The following GALNT13 variants were observed in gnomAD, a reference collection of about 807,000 sequenced individuals.
GALNT13 encodes UDP-GalNAc:polypeptide N-acetylgalactosaminyltransferase 13.
GALNT13 carries 28 observed loss-of-function variants against 64.2 expected under a neutral mutation model. The observed-to-expected ratio is 0.44, with a 90% CI of 0.32 to 0.60. The LOEUF is 0.60. GALNT13 is among the 20% of genes least tolerant of loss of function. The pLI is 0.05. For synonymous variants in GALNT13, 214 were observed against 224.6 expected (o/e 0.95, Z 0.42); for missense variants, 577 against 669.8 (o/e 0.86, Z 1.53).
At chr2:153,285,805 T>C in the GALNT13 span, among the ~76,000 whole-genome samples, 2 of 151,980 alleles carry the variant, frequency 1.3e-5, no homozygotes, top group African/African-American at 4.8e-5. Context: ...AGAAGAAAAA[T>C]AGGTATGAAT....
intron 9 of GALNT13, among the ~76,000 whole-genome samples, chr2:154,356,196 T>C (rs1479479828): frequency 6.6e-6 from 1 of 152,044 alleles, no homozygotes; most frequent in African/African-American, 2.4e-5. Context: ...CTTTTTCCTA[T>C]TAATCAAGTT....
chr2:153,403,342 A>G, the GALNT13 span, among the ~76,000 whole-genome samples: 1 of 152,008 alleles, frequency 6.6e-6, no homozygotes, highest in Non-Finnish European at 1.5e-5. Context: ...GCTGTCAGAC[A>G]GGGACATTTA....
At chr2:153,801,337 T>C in the GALNT13 span, among the ~76,000 whole-genome samples, 1 of 152,156 alleles carries the variant, frequency 6.6e-6, no homozygotes, top group Non-Finnish European at 1.5e-5. Flanking sequence ...ATGCCTTTTT[T>C]TTTTTCTATG....
intron 4 of GALNT13, among the ~76,000 whole-genome samples, chr2:154,157,134 C>T (rs1684468815): frequency 6.6e-6 from 1 of 152,054 alleles, no homozygotes; most frequent in African/African-American, 2.4e-5. Flanking sequence ...TTCCTCTCAA[C>T]CCTCATTCTC....
chr2:153,800,570 A>G, the GALNT13 span, among the ~76,000 whole-genome samples: 1 of 152,298 alleles, frequency 6.6e-6, no homozygotes, highest in East Asian at 1.9e-4. Context: ...CTTGGTATCA[A>G]TCTTCTCAAA....
intron 4 of GALNT13, among the ~76,000 whole-genome samples, chr2:154,218,451 G>C (rs1400294241): frequency 6.6e-6 from 1 of 151,998 alleles, no homozygotes; most frequent in Non-Finnish European, 1.5e-5. Flanking sequence ...TCCAGATGTT[G>C]TACTATTCCT....
the GALNT13 span, among the ~76,000 whole-genome samples, chr2:153,305,944 G>A: frequency 5.3e-5 from 8 of 152,242 alleles, no homozygotes; most frequent in East Asian, 3.9e-4. Context: ...AGGTTTTGCC[G>A]TGTTCTCCCA....
chr2:153,671,588 T>G, the GALNT13 span, among the ~76,000 whole-genome samples: 1 of 152,164 alleles, frequency 6.6e-6, no homozygotes, highest in Non-Finnish European at 1.5e-5. Context: ...TACTAGCCAC[T>G]GCAAAAACAT....
the GALNT13 span, among the ~76,000 whole-genome samples, chr2:153,746,884 A>C: frequency 3.9e-5 from 6 of 152,178 alleles, no homozygotes; most frequent in Admixed American, 1.3e-4. Context: ...ATTTGGATAT[A>C]ATTTCTGTAA....
At chr2:153,984,504 A>C (rs1205772882) in intron 3 of GALNT13, among the ~76,000 whole-genome samples, 1 of 151,656 alleles carries the variant, frequency 6.6e-6, no homozygotes, top group Non-Finnish European at 1.5e-5. Context: ...GAATTATATA[A>C]ATTATTTTTT....
At chr2:153,932,005 G>C (rs1690562390) in intron 2 of GALNT13, among the ~76,000 whole-genome samples, 1 of 151,994 alleles carries the variant, frequency 6.6e-6, no homozygotes, top group South Asian at 2.1e-4. Context: ...TATTTGGTTG[G>C]TGGGTTTTTT....
the GALNT13 span, among the ~76,000 whole-genome samples, chr2:153,702,421 G>T: frequency 6.6e-6 from 1 of 152,024 alleles, no homozygotes; most frequent in Non-Finnish European, 1.5e-5. Context: ...ACGTGTACCT[G>T]TGTAACAAAC....
the GALNT13 span, among the ~76,000 whole-genome samples, chr2:153,842,211 G>A: frequency 6.6e-6 from 1 of 152,122 alleles, no homozygotes; most frequent in Admixed American, 6.5e-5. Context: ...TGAAAAGGAA[G>A]TAAACTGAAA....
At chr2:153,910,629 G>A (rs142809816) in intron 2 of GALNT13, among the ~76,000 whole-genome samples, 110 of 152,162 alleles carry the variant, frequency 7.2e-4, no homozygotes, top group African/African-American at 1.1e-3. Flanking sequence ...ATCCTAGTAC[G>A]TTGTAGCTTT....
the GALNT13 span, among the ~76,000 whole-genome samples, chr2:153,439,415 A>T: frequency 6.6e-6 from 1 of 152,146 alleles, no homozygotes; most frequent in African/African-American, 2.4e-5. Flanking sequence ...CTGCCCCCAG[A>T]GGTGGAGTCT....
intron 4 of GALNT13, among the ~76,000 whole-genome samples, chr2:154,151,428 T>C (rs1342752824): frequency 6.6e-6 from 1 of 152,208 alleles, no homozygotes; most frequent in Non-Finnish European, 1.5e-5. Context: ...TGGAGAGTTC[T>C]GTAGATGTCT....
At chr2:153,765,758 C>A in the GALNT13 span, among the ~76,000 whole-genome samples, 1 of 152,032 alleles carries the variant, frequency 6.6e-6, no homozygotes, top group African/African-American at 2.4e-5. Context: ...GTGTAATAAT[C>A]CCCTCATGTC....
chr2:153,078,106 T>C, the GALNT13 span, among the ~76,000 whole-genome samples: 1 of 152,146 alleles, frequency 6.6e-6, no homozygotes, highest in Admixed American at 6.5e-5. Context: ...CCTTCTGCTT[T>C]TGTAAATGGA....
intron 3 of GALNT13, among the ~76,000 whole-genome samples, chr2:154,060,114 T>C (rs1700096901): frequency 6.6e-6 from 1 of 152,140 alleles, no homozygotes; most frequent in African/African-American, 2.4e-5. Context: ...CCTCCACCTA[T>C]ATGAGTGAAC....
Sources: gnomAD v4.1 joint callset for allele counts (sites outside exome capture counted in the v4.1 genomes callset) on GRCh38, gnomAD v4.1.1 for gene constraint, MANE v1.5 for transcripts, NCBI Gene and HGNC (gene_info 2026-07-23, HGNC 2026-07-21) for gene names.